The following JAKMIP2 variants were observed in gnomAD, a reference collection of about 807,000 sequenced individuals.
JAKMIP2 encodes janus kinase and microtubule-interacting protein 2.
A neutral mutation model predicts 115.0 loss-of-function variants in JAKMIP2; 25 were observed. The observed-to-expected ratio is 0.22, with a 90% CI of 0.16 to 0.30. JAKMIP2 has a LOEUF of 0.30. Among genes scored for constraint, JAKMIP2 ranks in the 10% least tolerant of loss-of-function variants. JAKMIP2 has a pLI of 1.00. For synonymous variants in JAKMIP2, 334 were observed against 343.6 expected (o/e 0.97, Z 0.31); for missense variants, 642 against 957.6 (o/e 0.67, Z 4.35).
At chr5:147,718,866 T>G (rs1753133456) in intron 1 of JAKMIP2, among the ~76,000 whole-genome samples, 1 of 149,748 alleles carries the variant, frequency 6.7e-6, no homozygotes, top group African/African-American at 2.5e-5. Flanking sequence ...GCTCTGATTT[T>G]AGTTATTTCT....
intron 2 of JAKMIP2, among the ~76,000 whole-genome samples, chr5:147,664,293 G>A (rs144773918): frequency 7.9e-5 from 12 of 152,090 alleles, no homozygotes; most frequent in South Asian, 4.2e-4. Context: ...TTTTCCTTAC[G>A]TATCTGCTCA....
intron 1 of JAKMIP2, among the ~76,000 whole-genome samples, chr5:147,686,147 G>A (rs1310105301): frequency 6.6e-6 from 1 of 152,094 alleles, no homozygotes; most frequent in African/African-American, 2.4e-5. Flanking sequence ...CCTCTTCATT[G>A]AACAGAGAAC....
intron 1 of JAKMIP2, among the ~76,000 whole-genome samples, chr5:147,675,782 C>CTTTTTTTTTTTTTT (rs1561531706): frequency 7.9e-6 from 1 of 126,800 alleles, no homozygotes; most frequent in Non-Finnish European, 1.6e-5. Context: ...AATCATATGA[C>CTTTTTTTTTTTTTT]ATTTTTTTTT....
chr5:147,776,762 T>C (rs953285389), intron 1 of JAKMIP2, among the ~76,000 whole-genome samples: 1 of 152,058 alleles, frequency 6.6e-6, no homozygotes, highest in African/African-American at 2.4e-5. Flanking sequence ...ACCTCGTCTC[T>C]ACTAAAAATA....
intron 1 of JAKMIP2, among the ~76,000 whole-genome samples, chr5:147,744,017 T>A (rs1466690866): frequency 7.2e-4 from 101 of 140,062 alleles, no homozygotes; most frequent in African/African-American, 2.8e-3. Context: ...CTTCCTTCCT[T>A]CCTTCCTTCC....
In JAKMIP2 at chr5:147,587,165, A is replaced by C. The variant is rs1022241862; in HGVS notation, c.*4542T>G. 3.3e-5 allele frequency: 5 copies of C among 152,320 alleles called. No individual in the cohort carries two copies. Among genetic ancestry groups the C allele is most frequent in the African/African-American group, 1.2e-4 (5 of 41,566 alleles). The allele number at this position is 152,320 out of a possible 1,614,324, so 9.4% of individuals were successfully genotyped here. On this transcript the variant is annotated 3_prime_UTR_variant, in exon 22 of 22. Coordinates refer to ENST00000616793, the MANE Select transcript of JAKMIP2 (RefSeq NM_001270941.2). ...TCACTTAAGACCTAGAAGTCTGCTT[A>C]AAGAGGGGCTTGGGTCCATATTGGA...
At chr5:147,755,546 A>G (rs1754715181) in intron 1 of JAKMIP2, among the ~76,000 whole-genome samples, 1 of 152,232 alleles carries the variant, frequency 6.6e-6, no homozygotes, top group Admixed American at 6.5e-5. Context: ...ACGGATGTTA[A>G]AAATAACGTT....
intron 10 of JAKMIP2, 125 bp from the exon 11 acceptor site, chr5:147,637,173 C>A: frequency 1.5e-6 from 1 of 675,708 alleles, no homozygotes; most frequent in Non-Finnish European, 2.6e-6. Flanking sequence ...ACAAAAGAAT[C>A]TTTCTGATCT....
chr5:147,707,104 T>TTAAGTGTTAAGTTAA (rs1752589448), intron 1 of JAKMIP2, among the ~76,000 whole-genome samples: 1 of 152,148 alleles, frequency 6.6e-6, no homozygotes, highest in South Asian at 2.1e-4. Flanking sequence ...TTCTAGGTAC[T>TTAAGTGTTAAGTTAA]GTGTTAAGTC....
chr5:147,714,149 A>G (rs893975620), intron 1 of JAKMIP2, among the ~76,000 whole-genome samples: 3 of 152,208 alleles, frequency 2.0e-5, no homozygotes, highest in Non-Finnish European at 4.4e-5. Flanking sequence ...ACCAAAAGAC[A>G]ACAGAAACAC....
chr5:147,618,233 C>A, intron 18 of JAKMIP2, 119 bp from the exon 19 acceptor site: 5 of 721,296 alleles, frequency 6.9e-6, no homozygotes, highest in Admixed American at 2.4e-5. Flanking sequence ...AGGATCTTAG[C>A]AAGAAAATAA....
intron 1 of JAKMIP2, among the ~76,000 whole-genome samples, chr5:147,722,874 T>A (rs1753370175): frequency 6.6e-6 from 1 of 151,674 alleles, no homozygotes; most frequent in South Asian, 2.1e-4. Context: ...TCTTTTTTTT[T>A]ATCCCTCTGC....
rs112384060 is a variant in JAKMIP2, at chr5:147,740,186, G to C, written c.-149+42270C>G. On this transcript the variant is annotated intron_variant, in intron 1 of 21. Transcript: ENST00000616793. Reference sequence around the variant, plus strand: ...CAGATGCCACCAGGAGTGCTTGTTAGACATACCCAGCCCAGTTTTATATAA... The same window carrying C: ...CAGATGCCACCAGGAGTGCTTGTTACACATACCCAGCCCAGTTTTATATAA... 3.3e-5 allele frequency among the ~76,000 whole-genome samples: 5 copies of C among 152,296 alleles called. 1 individual carries two copies. The highest frequency in any genetic ancestry group is 1.2e-4 in the African/African-American group (5 of 41,560).
Position 147,591,311 on chromosome 5 carries a change from C to A in JAKMIP2, c.*396G>T. 4.2e-6 allele frequency: 1 copy of A among 238,318 alleles called. No individual in the cohort carries two copies. The highest frequency in any genetic ancestry group is 8.0e-6 in the Non-Finnish European group (1 of 125,164). 14.8% of individuals were successfully genotyped at this position (238,318 alleles called of 1,614,324 possible). A position where few individuals can be genotyped will look rare whatever the true frequency, so the allele number is the denominator to read the frequency against. On this transcript the variant is annotated 3_prime_UTR_variant, in exon 22 of 22. Transcript: ENST00000616793. ...GGTGTGGTGTTACATTAAAATGACC[C>A]CCCTGCACAGCAGGGGTTGAATATT...
chr5:147,662,661 G>A (rs913969340), intron 2 of JAKMIP2, among the ~76,000 whole-genome samples: 5 of 151,592 alleles, frequency 3.3e-5, no homozygotes, highest in Admixed American at 2.0e-4. Context: ...CACAACCCCC[G>A]CATGCACACA....
rs141607489 is a variant in JAKMIP2, at chr5:147,650,464, G to C, written c.711C>G (p.Leu237=). 7.3e-4 allele frequency: 1,184 copies of C among 1,613,886 alleles called. No homozygotes were observed. The highest frequency in any genetic ancestry group is 9.1e-4 in the Non-Finnish European group (1,079 of 1,179,846). Residue 237 remains leucine, a synonymous_variant, in exon 4 of 22, where the codon CTC becomes CTG. Coordinates refer to ENST00000616793, the MANE Select transcript of JAKMIP2 (RefSeq NM_001270941.2). ...LETQTGYVQK[L]QLQKEALDEQ... ...CGTCCAAAGCCTCCTTCTGAAGTTGGAGTTTCTGTACATAGCCTGTCTGGG... is the reference window on the plus strand; with the variant it reads ...CGTCCAAAGCCTCCTTCTGAAGTTGCAGTTTCTGTACATAGCCTGTCTGGG...
intron 2 of JAKMIP2, among the ~76,000 whole-genome samples, chr5:147,663,582 T>C (rs912436852): frequency 6.6e-6 from 1 of 152,208 alleles, no homozygotes; most frequent in Non-Finnish European, 1.5e-5. Context: ...TATAGATACA[T>C]CTATCCTATT....
At chr5:147,662,561 G>A (rs985981235) in intron 2 of JAKMIP2, among the ~76,000 whole-genome samples, 5 of 151,960 alleles carry the variant, frequency 3.3e-5, no homozygotes, top group African/African-American at 7.3e-5. Context: ...AAGCCTCTCC[G>A]TGATCCTGTT....
At chr5:147,679,543 G>A (rs1760150321) in intron 1 of JAKMIP2, among the ~76,000 whole-genome samples, 2 of 152,176 alleles carry the variant, frequency 1.3e-5, no homozygotes, top group African/African-American at 4.8e-5. Context: ...GAGTGATAAA[G>A]CATGAAGACT....
Sources: gnomAD v4.1 joint callset for allele counts (sites outside exome capture counted in the v4.1 genomes callset) on GRCh38, gnomAD v4.1.1 for gene constraint, MANE v1.5 for transcripts, NCBI Gene and HGNC (gene_info 2026-07-23, HGNC 2026-07-21) for gene names.